Variants in CDKAL1 observed in about 807,000 individuals in gnomAD.
The protein encoded by CDKAL1 is threonylcarbamoyladenosine tRNA methylthiotransferase.
CDKAL1 carries 32 observed loss-of-function variants against 68.2 expected under a neutral mutation model. The ratio of observed to expected loss-of-function variants is 0.47; its 90% CI spans 0.35 to 0.63. CDKAL1 has a LOEUF of 0.63. CDKAL1 is among the 30% of genes least tolerant of loss of function. CDKAL1 has a pLI of 0.00. For synonymous variants in CDKAL1, 234 were observed against 244.3 expected, an observed-to-expected ratio of 0.96 and a Z score of 0.39; for missense variants, 606 against 696.7, an observed-to-expected ratio of 0.87 and a Z score of 1.47.
intron 9 of CDKAL1, among the ~76,000 whole-genome samples, chr6:20,889,597 A>G (rs1761274271): frequency 1.3e-5 from 2 of 152,082 alleles, no homozygotes; most frequent in Admixed American, 6.5e-5. Flanking sequence ...TATGGCCAGC[A>G]CCATTTATTT....
At chr6:21,144,038 G>A (rs1258131789) in intron 13 of CDKAL1, among the ~76,000 whole-genome samples, 1 of 151,980 alleles carries the variant, frequency 6.6e-6, no homozygotes, top group African/African-American at 2.4e-5. Flanking sequence ...GTTATATTCA[G>A]AAAAGACTGA....
At chr6:20,854,468 C>T (rs1456376493) in intron 9 of CDKAL1, among the ~76,000 whole-genome samples, 2 of 152,122 alleles carry the variant, frequency 1.3e-5, no homozygotes, top group African/African-American at 4.8e-5. Flanking sequence ...CTTATTTCTG[C>T]TAATAGGCAC....
chr6:20,721,325 C>A (rs1772347332), intron 5 of CDKAL1, among the ~76,000 whole-genome samples: 1 of 152,058 alleles, frequency 6.6e-6, no homozygotes, highest in Admixed American at 6.6e-5. Flanking sequence ...TATTCCATGG[C>A]TTTTATGTGC....
chr6:20,705,331 T>C (rs781095527), intron 5 of CDKAL1, among the ~76,000 whole-genome samples: 56 of 152,344 alleles, frequency 3.7e-4, no homozygotes, highest in Admixed American at 6.5e-4. Flanking sequence ...CAATTTTCAC[T>C]GTGATTCTTT....
chr6:20,762,750 A>T (rs544463978), intron 7 of CDKAL1, among the ~76,000 whole-genome samples: 32 of 152,330 alleles, frequency 2.1e-4, no homozygotes, highest in African/African-American at 7.7e-4. Flanking sequence ...CCTCCTTAAT[A>T]TAAGAACTGC....
At position 20,585,260 on chromosome 6, in the gene CDKAL1, G is replaced by T. The variant is rs557355605; in HGVS notation, c.286+36555G>T. On this transcript the variant is annotated intron_variant, in intron 4 of 15. Transcript: ENST00000274695. ...GTAGAGATGGGGTTTCACCGTGTTA[G>T]CCAGGATGGTCTCGATCTCCTGACC... 1.8e-3 allele frequency among the ~76,000 whole-genome samples: 269 copies of T among 152,068 alleles called. 2 individuals carry two copies. Among genetic ancestry groups the T allele is most frequent in the Admixed American group, 7.3e-3 (111 of 15,262 alleles).
intron 5 of CDKAL1, among the ~76,000 whole-genome samples, chr6:20,660,061 C>T (rs1769214852): frequency 6.6e-6 from 1 of 152,064 alleles, no homozygotes; most frequent in Non-Finnish European, 1.5e-5. Flanking sequence ...CACATTAATC[C>T]CACCTGGCTA....
chr6:21,200,715 A>C (rs1778654122), intron 14 of CDKAL1: 1 of 157,080 alleles, frequency 6.4e-6, no homozygotes. Context: ...TCAGGACATC[A>C]GGCACATCCT....
intron 11 of CDKAL1, among the ~76,000 whole-genome samples, chr6:21,015,515 C>A (rs1768273979): frequency 6.6e-6 from 1 of 152,068 alleles, no homozygotes; most frequent in Admixed American, 6.6e-5. Flanking sequence ...ATACATTATT[C>A]TTTTTGAGTT....
At chr6:20,644,655 G>A (rs980362574) in intron 4 of CDKAL1, among the ~76,000 whole-genome samples, 6 of 152,028 alleles carry the variant, frequency 3.9e-5, no homozygotes, top group Non-Finnish European at 5.9e-5. Context: ...GCAACAGAGC[G>A]AGACTCCGTC....
Position 20,567,221 on chromosome 6 carries a change from T to TTTC in CDKAL1, c.286+18516_286+18517insTTC, listed in dbSNP as rs1482366761. On this transcript the variant is annotated intron_variant, in intron 4 of 15. Transcript: ENST00000274695. ...TAATCGTGGTCTTTGCCATTGAAAGTAATGGCAAAGACCACGATTACTTTT... is the reference window on the plus strand; with the variant it reads ...TAATCGTGGTCTTTGCCATTGAAAGTTTCAATGGCAAAGACCACGATTACTTTT... 3.4e-5 allele frequency among the ~76,000 whole-genome samples: 5 copies of TTTC among 149,078 alleles called. No individual in the cohort carries two copies. In the East Asian group the frequency reaches 8.3e-4, roughly 25 times the overall value.
At chr6:20,971,369 C>T (rs1374222607) in intron 10 of CDKAL1, among the ~76,000 whole-genome samples, 2 of 152,180 alleles carry the variant, frequency 1.3e-5, no homozygotes, top group African/African-American at 2.4e-5. Context: ...AAGCTGTGCA[C>T]ATCAGGTGAT....
At chr6:20,873,670 G>C (rs1332699793) in intron 9 of CDKAL1, among the ~76,000 whole-genome samples, 1 of 152,058 alleles carries the variant, frequency 6.6e-6, no homozygotes, top group African/African-American at 2.4e-5. Flanking sequence ...CTTGCAGGAG[G>C]GCCATTGTCC....
At chr6:21,067,134 G>T (rs1771497893) in intron 12 of CDKAL1, among the ~76,000 whole-genome samples, 2 of 152,052 alleles carry the variant, frequency 1.3e-5, no homozygotes, top group African/African-American at 4.8e-5. Flanking sequence ...ATAACTACCA[G>T]TCAGATCAAG....
intron 11 of CDKAL1, among the ~76,000 whole-genome samples, chr6:21,021,409 A>T (rs1460428756): frequency 6.6e-6 from 1 of 152,220 alleles, no homozygotes; most frequent in Non-Finnish European, 1.5e-5. Flanking sequence ...ACAATCAATA[A>T]ATGATACCTA....
chr6:20,937,377 C>T (rs1763772517), intron 9 of CDKAL1, among the ~76,000 whole-genome samples: 1 of 152,338 alleles, frequency 6.6e-6, no homozygotes, highest in South Asian at 2.1e-4. Flanking sequence ...CATGAGCCAC[C>T]ACACCTGGCT....
intron 8 of CDKAL1, among the ~76,000 whole-genome samples, chr6:20,827,540 A>G (rs1365353117): frequency 6.6e-6 from 1 of 152,190 alleles, no homozygotes; most frequent in Non-Finnish European, 1.5e-5. Flanking sequence ...ATAACTCTTA[A>G]GAGATGAACA....
intron 9 of CDKAL1, among the ~76,000 whole-genome samples, chr6:20,861,325 G>C (rs140690493): frequency 1.3e-5 from 2 of 152,358 alleles, no homozygotes; most frequent in Non-Finnish European, 2.9e-5. Flanking sequence ...GGTCCCGTCT[G>C]ATTAACTGAA....
chr6:20,553,783 G>T (rs184675507), intron 4 of CDKAL1, among the ~76,000 whole-genome samples: 1 of 152,124 alleles, frequency 6.6e-6, no homozygotes, highest in Non-Finnish European at 1.5e-5. Flanking sequence ...ACTGATTCTT[G>T]TATTTTTAGT....
Sources: allele counts gnomAD v4.1 joint callset (sites outside exome capture counted in the v4.1 genomes callset), GRCh38; gene constraint gnomAD v4.1.1; transcripts MANE v1.5; gene names NCBI Gene and HGNC (gene_info 2026-07-23, HGNC 2026-07-21).